The following TNN variants were observed in gnomAD, a reference collection of about 807,000 sequenced individuals.
TNN encodes the protein tenascin N, also known as tenascin-N.
Under a neutral mutation model 134.4 loss-of-function variants are expected in TNN, and 122 were observed. That is an observed-to-expected ratio of 0.91 (90% confidence interval 0.78 to 1.06). TNN has a LOEUF of 1.06. Among genes scored for constraint, TNN ranks in the 50% least tolerant of loss-of-function variants. The probability of loss-of-function intolerance (pLI) is 0.00; values close to 1 mark genes in which losing one functional copy is unlikely to be tolerated. For missense variants in TNN, 1,739 were observed against 1,699.4 expected (o/e 1.02, Z -0.41); for synonymous variants, 710 against 670.3 (o/e 1.06, Z -0.91).
At position 175,080,106 on chromosome 1, in the gene TNN, G is replaced by T; in HGVS notation, c.785-57G>T. On this transcript the variant is annotated intron_variant, in intron 3 of 18. Coordinates refer to ENST00000239462, the MANE Select transcript of TNN (RefSeq NM_022093.2). ...TTATAGTGCTCAGGGAATACTCACT[G>T]GGTCTGGATCGCCTCCCTTGCTCAC... 1.9e-6 allele frequency: 3 copies of T among 1,594,798 alleles called. 1 individual carries two copies. Among genetic ancestry groups the T allele is most frequent in the South Asian group, 2.3e-5 (2 of 88,564 alleles).
chr1:175,107,655 T>C (rs967350657), intron 9 of TNN, among the ~76,000 whole-genome samples: 1 of 140,152 alleles, frequency 7.1e-6, no homozygotes, highest in African/African-American at 2.6e-5. Flanking sequence ...AGGTTGCCAA[T>C]GCTGGCTCGG....
Position 175,135,589 on chromosome 1 carries a change from G to T in TNN, c.3331-256G>T, listed in dbSNP as rs573233511. 6.6e-5 allele frequency among the ~76,000 whole-genome samples: 10 copies of T among 152,304 alleles called. No homozygotes were observed. In the South Asian group the frequency reaches 2.1e-3, roughly 32 times the overall value. On this transcript the variant is annotated intron_variant, in intron 15 of 18. Transcript: ENST00000239462. The stretch of plus-strand genomic sequence containing the variant: ...AACTGAATCACACAACTAATGGAAA[G>T]AATTGAAATTTCTTGAGGGCAGGAA...
chr1:175,141,780 T>C lies in TNN; in HGVS notation c.3596-2607T>C, dbSNP rs571810583. On this transcript the variant is annotated intron_variant, in intron 17 of 18. Transcript: ENST00000239462. ...GTGACCAACTTGATCCCCTCTGAGTTTGGGCACAGACCTTTCATGGGCCTG... is the reference window on the plus strand; with the variant it reads ...GTGACCAACTTGATCCCCTCTGAGTCTGGGCACAGACCTTTCATGGGCCTG... Among the ~76,000 whole-genome samples, 45 of 152,284 alleles carry C rather than the reference T, an allele frequency of 3.0e-4. No homozygotes were observed. The South Asian group carries it at 8.9e-3, about 30-fold the overall frequency.
In TNN at chr1:175,141,609, T is replaced by C. The variant is rs542238127; in HGVS notation, c.3596-2778T>C. On this transcript the variant is annotated intron_variant, in intron 17 of 18. Transcript: ENST00000239462. ...CATTCAAGGTTCTGACACACACTAC[T>C]GTGTCTGTGTGTGACTGACAGGGGA... Among the ~76,000 whole-genome samples, 22 of 152,340 alleles carry C rather than the reference T, an allele frequency of 1.4e-4. No homozygotes were observed. The Middle Eastern group carries it at 0.01, about 71-fold the overall frequency.
chr1:175,100,649 A>C (rs758475932), intron 9 of TNN, among the ~76,000 whole-genome samples: 3 of 152,052 alleles, frequency 2.0e-5, no homozygotes, highest in Non-Finnish European at 4.4e-5. Context: ...TGAGCAAGTG[A>C]CTTTGGGAAA....
intron 18 of TNN, among the ~76,000 whole-genome samples, chr1:175,145,577 C>CAAAAAAAAAAAA (rs1161118570): frequency 2.9e-5 from 1 of 34,790 alleles, no homozygotes; most frequent in African/African-American, 9.4e-5. Context: ...AAAAAAAAAG[C>CAAAAAAAAAAAA]TGTCTCAAGT....
In TNN at chr1:175,117,078, T is replaced by A; in HGVS notation, c.2259T>A (p.Val753=). ...CCAAGGACGGAGAGACCAGGGAGGT[T>A]CCGGTGGGGAAGGAGCAGAGTAGCA... ...TSAKDGETRE[V]PVGKEQSSTV... is the part of the protein sequence containing the mutation. The change falls in exon 10 of 19, where the codon GTT becomes GTA. Residue 753 remains valine, a synonymous_variant. Coordinates refer to ENST00000239462, the MANE Select transcript of TNN (RefSeq NM_022093.2). The A allele has an allele frequency of 6.2e-7, 1 of 1,614,220 alleles. No individual in the cohort carries two copies.
rs751100987 is a variant in TNN at position 175,077,573 on chromosome 1, A to G, written c.155A>G (p.Lys52Arg). Residue 52 changes from lysine (K) to arginine (R), a missense_variant, in exon 2 of 19, where the codon AAG (lysine) becomes AGG (arginine). By Grantham distance (26) the Lys-to-Arg change is conservative. Transcript: ENST00000239462. ...VSHTYKIDVPKSALVQVDADP... is the reference protein window; with the variant it reads ...VSHTYKIDVPRSALVQVDADP... ...CACACCTACAAGATCGATGTGCCCA[A>G]GTCTGCCTTGGTTCAGGTTGACGCT... 8.1e-6 allele frequency: 13 copies of G among 1,614,254 alleles called. No individual in the cohort carries two copies. Among genetic ancestry groups the G allele is most frequent in the South Asian group, 2.2e-5 (2 of 91,090 alleles).
rs146745725 is a variant in TNN at position 175,111,050 on chromosome 1, G to A, written c.2120-5889G>A. On this transcript the variant is annotated intron_variant, in intron 9 of 18. Coordinates refer to ENST00000239462, the MANE Select transcript of TNN (RefSeq NM_022093.2). ...AAAAAAAAAAGGGCTGGGTGCGGTA[G>A]CTCACGCCTGTAATCCCAGTACTTT... Among the ~76,000 whole-genome samples, 37 of 152,118 alleles carry A rather than the reference G, an allele frequency of 2.4e-4. No individual in the cohort carries two copies. The East Asian group carries it at 7.1e-3, about 29-fold the overall frequency.
At chr1:175,099,594 G>A (rs566980088) in intron 9 of TNN, among the ~76,000 whole-genome samples, 2 of 47,556 alleles carry the variant, frequency 4.2e-5, no homozygotes, top group East Asian at 8.8e-4. Flanking sequence ...GGCTCAGGAG[G>A]AGGAGAGGTG....
chr1:175,108,517 C>T (rs1012342275), intron 9 of TNN, among the ~76,000 whole-genome samples: 4 of 152,224 alleles, frequency 2.6e-5, no homozygotes, highest in African/African-American at 4.8e-5. Context: ...GGATGGTATT[C>T]GTTGGGGAGG....
In TNN at chr1:175,147,884, G is replaced by C. The variant is rs1676112479; in HGVS notation, c.*813G>C. Reference sequence around the variant, plus strand: ...CTCTTTTCCCCGCCCTGCACTATTGGAGCCCTGGGTTTTGTGGGAGTGCTC... The same window carrying C: ...CTCTTTTCCCCGCCCTGCACTATTGCAGCCCTGGGTTTTGTGGGAGTGCTC... On this transcript the variant is annotated 3_prime_UTR_variant, in exon 19 of 19. Coordinates refer to ENST00000239462, the MANE Select transcript of TNN (RefSeq NM_022093.2). 1 of 152,080 alleles carries C rather than the reference G, an allele frequency of 6.6e-6. No homozygotes were observed. The highest frequency in any genetic ancestry group is 1.5e-5 in the Non-Finnish European group (1 of 68,038). 9.4% of individuals were successfully genotyped at this position (152,080 alleles called of 1,614,324 possible).
chr1:175,146,759 G>C (rs1676079170), intron 18 of TNN, among the ~76,000 whole-genome samples, 172 bp from the exon 19 acceptor site: 1 of 151,830 alleles, frequency 6.6e-6, no homozygotes, highest in Non-Finnish European at 1.5e-5. Context: ...GCGTGTGTCC[G>C]GATCCTGCCC....
At chr1:175,076,280 C>T (rs1220706327) in intron 1 of TNN, among the ~76,000 whole-genome samples, 1 of 152,168 alleles carries the variant, frequency 6.6e-6, no homozygotes, top group Non-Finnish European at 1.5e-5. Context: ...CATCTCAGGT[C>T]GCCTGGCTTG....
At chr1:175,112,596 A>ATTTTT (rs1244528758) in intron 9 of TNN, among the ~76,000 whole-genome samples, 3 of 8,064 alleles carry the variant, frequency 3.7e-4, no homozygotes, top group African/African-American at 5.5e-4. Flanking sequence ...CAGCCGGCCG[A>ATTTTT]TCTTTTTTTT....
chr1:175,104,934 C>T (rs1213306547), intron 9 of TNN, among the ~76,000 whole-genome samples: 1 of 145,696 alleles, frequency 6.9e-6, no homozygotes. Context: ...CTTAGTCCTT[C>T]CAGAACACAG....
At chr1:175,074,273 A>G (rs10912880) in intron 1 of TNN, among the ~76,000 whole-genome samples, 87,548 of 151,784 alleles carry the variant, frequency 0.58, 26,557 homozygotes, top group African/African-American at 0.79. Flanking sequence ...GCTTGAACCC[A>G]GGAATTCGAG....
intron 1 of TNN, among the ~76,000 whole-genome samples, chr1:175,072,218 G>C (rs189110616): frequency 1.3e-5 from 2 of 152,256 alleles, no homozygotes; most frequent in East Asian, 1.9e-4. Flanking sequence ...GGCAGCATTT[G>C]TTCCTGAGTC....
chr1:175,128,778 G>A, intron 15 of TNN, 32 bp downstream of exon 15: 1 of 1,580,394 alleles, frequency 6.3e-7, no homozygotes, highest in Non-Finnish European at 8.6e-7. Flanking sequence ...GGAGCTCTGT[G>A]TAGGGCCTTC....
Sources: gnomAD v4.1 joint callset for allele counts (sites outside exome capture counted in the v4.1 genomes callset) on GRCh38, gnomAD v4.1.1 for gene constraint, MANE v1.5 for transcripts, NCBI Gene and HGNC (gene_info 2026-07-23, HGNC 2026-07-21) for gene names.